The following SGMS1 variants were observed in gnomAD, a reference collection of about 807,000 sequenced individuals.
The protein encoded by SGMS1 is phosphatidylcholine:ceramide cholinephosphotransferase 1.
A neutral mutation model predicts 46.2 loss-of-function variants in SGMS1; 13 were observed. The ratio of observed to expected loss-of-function variants is 0.28; its 90% confidence interval spans 0.18 to 0.45. SGMS1 has a LOEUF of 0.45. Ranked by LOEUF, SGMS1 falls within the 20% of genes least tolerant of loss-of-function variation. The pLI, the probability that SGMS1 is intolerant of heterozygous loss-of-function variation, is 1.00. For missense variants in SGMS1, 324 were observed against 519.9 expected, an observed-to-expected ratio of 0.62 and a Z score of 3.66; for synonymous variants, 203 against 187.8, an observed-to-expected ratio of 1.08 and a Z score of -0.66.
At chr10:50,469,989 C>T (rs1837364448) in intron 3 of SGMS1, among the ~76,000 whole-genome samples, 1 of 152,148 alleles carries the variant, frequency 6.6e-6, no homozygotes, top group South Asian at 2.1e-4. Context: ...CATTCTGGGG[C>T]CAATCTGATT....
At chr10:50,389,781 A>G (rs1003475412) in intron 6 of SGMS1, among the ~76,000 whole-genome samples, 7 of 152,082 alleles carry the variant, frequency 4.6e-5, no homozygotes, top group African/African-American at 1.7e-4. Context: ...CCCAAATCTC[A>G]TTAGACTTTC....
chr10:50,493,503 T>C lies in SGMS1; in HGVS notation c.-498+26328A>G, dbSNP rs145469635. Among the ~76,000 whole-genome samples, 1,425 of 152,140 alleles carry C rather than the reference T, an allele frequency of 9.4e-3. 27 individuals are homozygous for C. Among genetic ancestry groups the C allele is most frequent in the African/African-American group, 0.033 (1,360 of 41,536 alleles). ...CTAATTAAACTAAAGAGCTTCTACATAGCAAAAGAAACTATCAATAAACAG... is the reference window on the plus strand; with the variant it reads ...CTAATTAAACTAAAGAGCTTCTACACAGCAAAAGAAACTATCAATAAACAG... On this transcript the variant is annotated intron_variant, in intron 3 of 10. Coordinates refer to ENST00000361781, the MANE Select transcript of SGMS1 (RefSeq NM_147156.4).
intron 6 of SGMS1, among the ~76,000 whole-genome samples, chr10:50,359,763 C>A (rs182195066): frequency 4.0e-5 from 6 of 151,756 alleles, no homozygotes; most frequent in Non-Finnish European, 4.4e-5. Context: ...GAATACCAAG[C>A]CTCTGCCACA....
rs865990046 is a variant in SGMS1 at position 50,441,062 on chromosome 10, T to C, written c.-312-7506A>G. On this transcript the variant is annotated intron_variant, in intron 5 of 10. Transcript: ENST00000361781. ...AGGCACAGTTGTTCGGCAAACGACA[T>C]TGCATGAAATGCATGCAATGCATCC... Among the ~76,000 whole-genome samples the C allele has an allele frequency of 1.3e-5, 2 of 152,344 alleles. 1 individual carries two copies.
At chr10:50,329,873 G>A (rs956212104) in intron 7 of SGMS1, among the ~76,000 whole-genome samples, 5 of 152,118 alleles carry the variant, frequency 3.3e-5, no homozygotes, top group East Asian at 3.8e-4. Flanking sequence ...GTGTTTGGTC[G>A]CGTTTATCTA....
At chr10:50,381,849 G>T (rs908573588) in intron 6 of SGMS1, among the ~76,000 whole-genome samples, 1 of 152,124 alleles carries the variant, frequency 6.6e-6, no homozygotes, top group East Asian at 1.9e-4. Context: ...TTTAACTGTG[G>T]TGTGGAAGGA....
rs899363287 is a variant in SGMS1 at position 50,541,379 on chromosome 10, G to C, written c.-588-21458C>G. 3.3e-5 allele frequency among the ~76,000 whole-genome samples: 5 copies of C among 152,152 alleles called. 1 individual carries two copies. Among genetic ancestry groups the C allele is most frequent in the African/African-American group, 1.2e-4 (5 of 41,430 alleles). ...TCCTATTGAAAATGTTTCTTAAGGAGTACTGTACATTACTGCCTTGTATGG... is the reference window on the plus strand; with the variant it reads ...TCCTATTGAAAATGTTTCTTAAGGACTACTGTACATTACTGCCTTGTATGG... On this transcript the variant is annotated intron_variant, in intron 2 of 10. Coordinates refer to ENST00000361781, the MANE Select transcript of SGMS1 (RefSeq NM_147156.4).
intron 6 of SGMS1, among the ~76,000 whole-genome samples, chr10:50,378,866 G>T (rs927005296): frequency 4.6e-5 from 7 of 152,036 alleles, no homozygotes; most frequent in African/African-American, 1.7e-4. Flanking sequence ...ACTGAGCTTG[G>T]GGTTACTACA....
intron 3 of SGMS1, among the ~76,000 whole-genome samples, chr10:50,501,529 A>G (rs1262914608): frequency 1.3e-5 from 2 of 152,238 alleles, no homozygotes; most frequent in East Asian, 3.8e-4. Flanking sequence ...ATAATTCTAT[A>G]TGATTCACAC....
intron 6 of SGMS1, among the ~76,000 whole-genome samples, chr10:50,357,730 TC>T (rs1848176751): frequency 1.3e-5 from 2 of 152,210 alleles, no homozygotes; most frequent in African/African-American, 4.8e-5. Flanking sequence ...TATAATTTAT[TC>T]TTTCCTTGAC....
At chr10:50,453,179 T>G (rs777047829) in intron 5 of SGMS1, among the ~76,000 whole-genome samples, 1 of 152,124 alleles carries the variant, frequency 6.6e-6, no homozygotes, top group African/African-American at 2.4e-5. Context: ...TTTCGAATAC[T>G]AGAATTATCA....
intron 2 of SGMS1, among the ~76,000 whole-genome samples, chr10:50,562,795 T>C (rs867926005): frequency 6.6e-6 from 1 of 152,084 alleles, no homozygotes; most frequent in East Asian, 1.9e-4. Flanking sequence ...CCGCCCGCCT[T>C]GGCCTCCCAA....
intron 2 of SGMS1, among the ~76,000 whole-genome samples, chr10:50,584,525 A>C (rs1294024819): frequency 1.3e-5 from 2 of 151,318 alleles, no homozygotes; most frequent in African/African-American, 4.9e-5. Flanking sequence ...AAAAAAGATC[A>C]ACTACACCTT....
rs371391302 is a variant in SGMS1 at position 50,602,303 on chromosome 10, C to A, written c.-683-12056G>T. Among the ~76,000 whole-genome samples the A allele has an allele frequency of 1.6e-4, 24 of 152,330 alleles. No homozygotes were observed. In the East Asian group the frequency reaches 3.5e-3, roughly 22 times the overall value. ...CAGCCACTCTGTGGCTCTGCAAATG[C>A]AGGGAGAATGTTCTGCTTCCCACAG... is the stretch of plus-strand genomic sequence containing the variant. On this transcript the variant is annotated intron_variant, in intron 1 of 10. Coordinates refer to ENST00000361781, the MANE Select transcript of SGMS1 (RefSeq NM_147156.4).
At chr10:50,407,729 T>C (rs921893828) in intron 6 of SGMS1, among the ~76,000 whole-genome samples, 1 of 152,162 alleles carries the variant, frequency 6.6e-6, no homozygotes, top group African/African-American at 2.4e-5. Flanking sequence ...TGTCTACTCT[T>C]GAAAGCCATC....
At position 50,427,268 on chromosome 10, in the gene SGMS1, G is replaced by A. The variant is rs529741064; in HGVS notation, c.-232+6208C>T. Among the ~76,000 whole-genome samples the A allele has an allele frequency of 3.3e-5, 5 of 152,130 alleles. 1 individual carries two copies. The East Asian group carries it at 9.7e-4, about 29-fold the overall frequency. ...AAAAACATTAGCCGGGTGTGGTGGCGGGCGCCTGTAGTCCCAGCTACTCCG... is the reference window on the plus strand; with the variant it reads ...AAAAACATTAGCCGGGTGTGGTGGCAGGCGCCTGTAGTCCCAGCTACTCCG... On this transcript the variant is annotated intron_variant, in intron 6 of 10. Coordinates refer to ENST00000361781, the MANE Select transcript of SGMS1 (RefSeq NM_147156.4).
chr10:50,315,007 G>A (rs762439332), intron 8 of SGMS1, among the ~76,000 whole-genome samples: 2 of 152,166 alleles, frequency 1.3e-5, no homozygotes, highest in Non-Finnish European at 2.9e-5. Flanking sequence ...GGACAGTATT[G>A]GCAAGATGGG....
chr10:50,468,186 AC>A (rs1374362395), intron 3 of SGMS1, among the ~76,000 whole-genome samples: 1 of 152,222 alleles, frequency 6.6e-6, no homozygotes, highest in Non-Finnish European at 1.5e-5. Context: ...GTTGACAGAT[AC>A]CAATACTGAG....
At chr10:50,554,640 G>A (rs934028884) in intron 2 of SGMS1, among the ~76,000 whole-genome samples, 1 of 152,124 alleles carries the variant, frequency 6.6e-6, no homozygotes, top group African/African-American at 2.4e-5. Flanking sequence ...TTCAGGGGCT[G>A]GCCCCACCAC....
Sources: allele counts gnomAD v4.1 joint callset (sites outside exome capture counted in the v4.1 genomes callset), GRCh38; gene constraint gnomAD v4.1.1; transcripts MANE v1.5; gene names NCBI Gene and HGNC (gene_info 2026-07-23, HGNC 2026-07-21).